GTF3A: variants seen among roughly 807,000 people sequenced by gnomAD.
GTF3A encodes general transcription factor IIIA.
GTF3A carries 40 observed loss-of-function variants against 37.6 expected under a neutral mutation model. The observed-to-expected ratio is 1.06, with a 90% CI of 0.83 to 1.38. The LOEUF is 1.38. Among genes scored for constraint, GTF3A ranks in the 40% most tolerant of loss-of-function variants. The pLI is 0.00. For missense variants in GTF3A, 500 were observed against 462.6 expected, an observed-to-expected ratio of 1.08 and a Z score of -0.74; for synonymous variants, 191 against 166.7, an observed-to-expected ratio of 1.15 and a Z score of -1.12.
chr13:27,434,789 C>T lies in GTF3A; in HGVS notation c.644-16C>T. On this transcript the variant is annotated splice_polypyrimidine_tract_variant and intron_variant, in intron 6 of 8. Transcript: ENST00000381140. ...ATCTGGGGAAATTTGTGAAATTTGT[C>T]TGTCTGTCCCACCAGAGGAAATACT... 1 of 1,491,938 alleles carries T rather than the reference C, an allele frequency of 6.7e-7. No homozygotes were observed. Among genetic ancestry groups the T allele is most frequent in the East Asian group, 2.3e-5 (1 of 44,202 alleles). 92.4% of individuals were successfully genotyped at this position (1,491,938 alleles called of 1,614,324 possible). A position where few individuals can be genotyped will look rare whatever the true frequency, so the allele number is the denominator to read the frequency against.
chr13:27,433,517 AAAAAAAAAAC>A (rs1427947917), intron 5 of GTF3A, among the ~76,000 whole-genome samples: 6 of 75,502 alleles, frequency 7.9e-5, no homozygotes, highest in African/African-American at 2.2e-4. Context: ...ACTCTTTTAA[AAAAAAAAAAC>A]AAAAAAAAAC....
chr13:27,433,850 T>G (rs528934508), intron 5 of GTF3A, among the ~76,000 whole-genome samples: 2 of 152,182 alleles, frequency 1.3e-5, no homozygotes, highest in Non-Finnish European at 2.9e-5. Flanking sequence ...TCCTTAGGCA[T>G]CCTTCCTGTG....
In GTF3A at chr13:27,427,163, T is replaced by G. The variant is rs754291518; in HGVS notation, c.273T>G (p.Ile91Met). 1 of 1,602,566 alleles carries G rather than the reference T, an allele frequency of 6.2e-7. No individual in the cohort carries two copies. Among genetic ancestry groups the G allele is most frequent in the Non-Finnish European group, 8.5e-7 (1 of 1,170,402 alleles). The change falls in exon 2 of 9, where the codon ATT (isoleucine) becomes ATG (methionine). Residue 91 changes from isoleucine (I) to methionine (M), a missense_variant. Coordinates refer to ENST00000381140, the MANE Select transcript of GTF3A (RefSeq NM_002097.3). ...GGGACTACCATCTGAGCCGCCACAT[T>G]CTGACTCACACAGGAGAAAAGCCGT...
chr13:27,434,150 C>A lies in GTF3A; in HGVS notation c.574C>A (p.Gln192Lys). The A allele has an allele frequency of 7.7e-7, 1 of 1,299,794 alleles. No homozygotes were observed. Among genetic ancestry groups the A allele is most frequent in the Non-Finnish European group, 1.1e-6 (1 of 892,888 alleles). 80.5% of individuals were successfully genotyped at this position (1,299,794 alleles called of 1,614,324 possible). A position where few individuals can be genotyped will look rare whatever the true frequency, so the allele number is the denominator to read the frequency against. ...AATTTTTTTAATAGGCTATGTATGTCAAAAAGGATGTTCCTTTGTGGCAAA... is the reference window on the plus strand; with the variant it reads ...AATTTTTTTAATAGGCTATGTATGTAAAAAAGGATGTTCCTTTGTGGCAAA... The change falls in exon 6 of 9, where the codon CAA becomes AAA. Residue 192 changes from glutamine (Q) to lysine (K), a missense_variant. Coordinates refer to ENST00000381140, the MANE Select transcript of GTF3A (RefSeq NM_002097.3).
rs1480463544 is a variant in GTF3A at position 27,435,439 on chromosome 13, A to G, written c.940A>G (p.Lys314Glu). 6.2e-7 allele frequency: 1 copy of G among 1,612,068 alleles called. No homozygotes were observed. The highest frequency in any genetic ancestry group is 8.5e-7 in the Non-Finnish European group (1 of 1,178,912). The change falls in exon 9 of 9, where the codon AAA becomes GAA. Residue 314 changes from lysine (K) to glutamate (E), a missense_variant. Coordinates refer to ENST00000381140, the MANE Select transcript of GTF3A (RefSeq NM_002097.3). The stretch of plus-strand genomic sequence containing the variant: ...GTCTTCCTTATTCCCAAAGGTCAAA[A>G]AATCTCGTGAAAAACGGAGTTTGGC...
Position 27,427,193 on chromosome 13 carries a change from G to T in GTF3A, c.302+1G>T, listed in dbSNP as rs1005720616. The T allele has an allele frequency of 1.3e-6, 2 of 1,515,018 alleles. No homozygotes were observed. Among genetic ancestry groups the T allele is most frequent in the Non-Finnish European group, 1.8e-6 (2 of 1,093,052 alleles). 93.8% of individuals were successfully genotyped at this position (1,515,018 alleles called of 1,614,324 possible). ...CTCACACAGGAGAAAAGCCGTTTGT[G>T]TAAGTAGAGACCTGTTTTTAGGCTT... On this transcript the variant is annotated splice_donor_variant, in intron 2 of 8. Coordinates refer to ENST00000381140, the MANE Select transcript of GTF3A (RefSeq NM_002097.3). LOFTEE classifies it high-confidence loss of function.
intron 5 of GTF3A, among the ~76,000 whole-genome samples, chr13:27,433,526 AC>A (rs1346157884): frequency 1.7e-3 from 76 of 45,000 alleles, no homozygotes; most frequent in African/African-American, 4.8e-3. Flanking sequence ...AAAAAAAAAA[AC>A]AAAAAAAAAC....
intron 1 of GTF3A, among the ~76,000 whole-genome samples, chr13:27,426,817 C>A (rs550931219): frequency 6.6e-6 from 1 of 152,134 alleles, no homozygotes; most frequent in Non-Finnish European, 1.5e-5. Flanking sequence ...AGCCTGCTGC[C>A]GGGTTGGGAG....
rs1469860161 is a variant in GTF3A at position 27,434,795 on chromosome 13, G to A, written c.644-10G>A. The A allele has an allele frequency of 1.3e-6, 2 of 1,543,020 alleles. No homozygotes were observed. The highest frequency in any genetic ancestry group is 1.8e-6 in the Non-Finnish European group (2 of 1,121,758). ...GGAAATTTGTGAAATTTGTCTGTCT[G>A]TCCCACCAGAGGAAATACTATGTGA... is the stretch of plus-strand genomic sequence containing the variant. On this transcript the variant is annotated splice_polypyrimidine_tract_variant and intron_variant, in intron 6 of 8. Transcript: ENST00000381140.
In GTF3A at chr13:27,427,172, C is replaced by T. The variant is rs1192692743; in HGVS notation, c.282C>T (p.His94=). ...ATCTGAGCCGCCACATTCTGACTCA[C>T]ACAGGAGAAAAGCCGTTTGTGTAAG... The change falls in exon 2 of 9, where the codon CAC becomes CAT. Residue 94 remains histidine (H), a synonymous_variant. Coordinates refer to ENST00000381140, the MANE Select transcript of GTF3A (RefSeq NM_002097.3). 2.5e-6 allele frequency: 4 copies of T among 1,597,020 alleles called. No homozygotes were observed. The highest frequency in any genetic ancestry group is 3.4e-6 in the Non-Finnish European group (4 of 1,165,752).
At chr13:27,425,080 G>A (rs1566074996) in intron 1 of GTF3A, 142 bp downstream of exon 1, 1 of 581,746 alleles carries the variant, frequency 1.7e-6, no homozygotes, top group East Asian at 3.3e-5. Flanking sequence ...AGGAGCTGAG[G>A]AAGTAGACAG....
chr13:27,429,908 A>C lies in GTF3A; in HGVS notation c.341A>C (p.Lys114Thr). The change falls in exon 3 of 9, where the codon AAA (lysine) becomes ACA (threonine). Residue 114 changes from lysine (K) to threonine (T), a missense_variant. Lys to Thr is a moderately conservative substitution (Grantham distance 78, BLOSUM62 -1). Transcript: ENST00000381140. ...GGCTGTGATCAAAAATTCAACACAAAATCAAACTTGAAGAAACATTTTGAA... is the reference window on the plus strand; with the variant it reads ...GGCTGTGATCAAAAATTCAACACAACATCAAACTTGAAGAAACATTTTGAA... The C allele has an allele frequency of 6.5e-7, 1 of 1,538,484 alleles. No individual in the cohort carries two copies. The highest frequency in any genetic ancestry group is 1.2e-5 in the South Asian group (1 of 80,804).
In GTF3A at chr13:27,435,822, A is replaced by C. The variant is rs1363488415; in HGVS notation, c.*225A>C. 2 of 1,614,110 alleles carry C rather than the reference A, an allele frequency of 1.2e-6. No individual in the cohort carries two copies. The highest frequency in any genetic ancestry group is 1.7e-5 in the Admixed American group (1 of 60,024). On this transcript the variant is annotated 3_prime_UTR_variant, in exon 9 of 9. Coordinates refer to ENST00000381140, the MANE Select transcript of GTF3A (RefSeq NM_002097.3). Reference sequence around the variant, plus strand: ...CACACATTAAAGCTTTTCCTCCTTGAACAGCTTGTGGCCTAGATGAGAATG... The same window carrying C: ...CACACATTAAAGCTTTTCCTCCTTGCACAGCTTGTGGCCTAGATGAGAATG...
In GTF3A at chr13:27,435,127, T is replaced by C. The variant is rs550079864; in HGVS notation, c.874-6T>C. On this transcript the variant is annotated splice_region_variant and splice_polypyrimidine_tract_variant and intron_variant, in intron 7 of 8. Coordinates refer to ENST00000381140, the MANE Select transcript of GTF3A (RefSeq NM_002097.3). The stretch of plus-strand genomic sequence containing the variant: ...ATTTCATTAATAACTTTCTCTTTCA[T>C]TGTAGCAAAGTCTCACTAGGCATGC... The C allele has an allele frequency of 4.4e-6, 7 of 1,607,534 alleles. No homozygotes were observed. Among genetic ancestry groups the C allele is most frequent in the Admixed American group, 3.4e-5 (2 of 59,602 alleles).
intron 5 of GTF3A, among the ~76,000 whole-genome samples, chr13:27,433,613 T>C (rs2780338): frequency 0.4 from 60,287 of 150,502 alleles, 13,222 homozygotes; most frequent in South Asian, 0.59. Flanking sequence ...ACTTACAAGA[T>C]GGCCAGACTA....
chr13:27,433,480 T>TA (rs1268113950), intron 5 of GTF3A, among the ~76,000 whole-genome samples: 1 of 151,248 alleles, frequency 6.6e-6, no homozygotes, highest in Non-Finnish European at 1.5e-5. Flanking sequence ...CTCTGGGTCC[T>TA]TCCAGTTTAT....
At position 27,435,664 on chromosome 13, in the gene GTF3A, C is replaced by A. The variant is rs1049397; in HGVS notation, c.*67C>A. The A allele has an allele frequency of 9.3e-6, 15 of 1,612,638 alleles. No homozygotes were observed. The highest frequency in any genetic ancestry group is 1.2e-5 in the Non-Finnish European group (14 of 1,179,476). ...GAGCTTTCTCTCAGAGCATGCTTTT[C>A]TTTATTAAAATTACTGATGCAGAAC... On this transcript the variant is annotated 3_prime_UTR_variant, in exon 9 of 9. Coordinates refer to ENST00000381140, the MANE Select transcript of GTF3A (RefSeq NM_002097.3).
intron 2 of GTF3A, chr13:27,429,333 G>A (rs947521101): frequency 6.8e-6 from 1 of 146,918 alleles, no homozygotes; most frequent in East Asian, 2.0e-4. Flanking sequence ...AGGCTTTGCA[G>A]AGGATTTAGA....
At chr13:27,430,858 C>T (rs528599370) in intron 4 of GTF3A, among the ~76,000 whole-genome samples, 1 of 152,258 alleles carries the variant, frequency 6.6e-6, no homozygotes, top group East Asian at 1.9e-4. Flanking sequence ...AGTATTTTCT[C>T]CCACTCTCTG....
Sources: allele counts gnomAD v4.1 joint callset (sites outside exome capture counted in the v4.1 genomes callset), GRCh38; gene constraint gnomAD v4.1.1; transcripts MANE v1.5; gene names NCBI Gene and HGNC (gene_info 2026-07-23, HGNC 2026-07-21).